CCND3: variants seen among roughly 807,000 people sequenced by gnomAD.
The protein encoded by CCND3 is G1/S-specific cyclin-D3.
In CCND3, 9 loss-of-function variants were observed where a neutral mutation model predicts 28.7. That is an observed-to-expected ratio of 0.31 (90% CI 0.19 to 0.55). The LOEUF is 0.55. CCND3 is among the 20% of genes least tolerant of loss of function. The probability of loss-of-function intolerance (pLI) is 0.93; values close to 1 mark genes in which losing one functional copy is unlikely to be tolerated. For synonymous variants in CCND3, 164 were observed against 163.9 expected, an observed-to-expected ratio of 1.00 and a Z score of 0.00; for missense variants, 315 against 385.8, an observed-to-expected ratio of 0.82 and a Z score of 1.54.
At chr6:41,978,003 C>T (rs746007427) in intron 1 of CCND3, among the ~76,000 whole-genome samples, 4 of 150,668 alleles carry the variant, frequency 2.7e-5, no homozygotes, top group Non-Finnish European at 4.4e-5. Flanking sequence ...TGCAGCAAGC[C>T]GAGATTATGC....
At chr6:42,008,305 G>A (rs1344873687) in intron 1 of CCND3, among the ~76,000 whole-genome samples, 1 of 152,166 alleles carries the variant, frequency 6.6e-6, no homozygotes, top group East Asian at 1.9e-4. Context: ...TTAAACCCAG[G>A]AGGCAGAGGT....
upstream of CCND3, among the ~76,000 whole-genome samples, chr6:41,945,515 C>CA (rs79628448): frequency 8.8e-5 from 13 of 148,254 alleles, no homozygotes; most frequent in Admixed American, 1.3e-4. Context: ...ACTCTGTCTC[C>CA]AAAAAAAAAA....
At chr6:42,027,632 G>C (rs903287020) in intron 1 of CCND3, among the ~76,000 whole-genome samples, 1 of 152,150 alleles carries the variant, frequency 6.6e-6, no homozygotes, top group Non-Finnish European at 1.5e-5. Flanking sequence ...GTGGTAAGGA[G>C]GGCAGAAAGT....
At chr6:41,994,636 G>A (rs1446315313) in intron 1 of CCND3, among the ~76,000 whole-genome samples, 1 of 152,128 alleles carries the variant, frequency 6.6e-6, no homozygotes, top group South Asian at 2.1e-4. Flanking sequence ...ATATATCAAC[G>A]TAGGTTCATC....
chr6:41,989,734 C>A (rs1187182487), intron 1 of CCND3, among the ~76,000 whole-genome samples: 2 of 152,096 alleles, frequency 1.3e-5, no homozygotes, highest in Non-Finnish European at 2.9e-5. Flanking sequence ...GGTGGGAATG[C>A]AAAATGGTAT....
At chr6:41,977,406 G>T (rs1016539216) in intron 1 of CCND3, among the ~76,000 whole-genome samples, 2 of 152,104 alleles carry the variant, frequency 1.3e-5, no homozygotes, top group African/African-American at 4.8e-5. Flanking sequence ...TGGCTCTGTT[G>T]CCCAGACTAG....
chr6:41,982,337 G>A (rs1041293245), intron 1 of CCND3, among the ~76,000 whole-genome samples: 2 of 150,830 alleles, frequency 1.3e-5, no homozygotes, highest in Non-Finnish European at 2.9e-5. Context: ...AATTTGAAAT[G>A]AAAAACGCAT....
At chr6:42,033,719 G>T (rs1162758341) in intron 1 of CCND3, among the ~76,000 whole-genome samples, 4 of 151,236 alleles carry the variant, frequency 2.6e-5, no homozygotes, top group Non-Finnish European at 5.9e-5. Context: ...GCATGGTGGT[G>T]CATACTGTAA....
chr6:41,935,624 GGGC>G lies in CCND3; in HGVS notation c.*313_*315del. Reference sequence around the variant, plus strand: ...CATGAGAGCCCCCAGGGGTGGGGGGGGGCGTTCAAAAGGAATGCTGGTGTATGT... The same window carrying G: ...CATGAGAGCCCCCAGGGGTGGGGGGGGTTCAAAAGGAATGCTGGTGTATGT... On this transcript the variant is annotated 3_prime_UTR_variant, in exon 5 of 5. Transcript: ENST00000372991. The G allele has an allele frequency of 2.1e-6, 1 of 470,034 alleles. No homozygotes were observed. The highest frequency in any genetic ancestry group is 3.8e-6 in the Non-Finnish European group (1 of 262,998). 29.1% of individuals were successfully genotyped at this position (470,034 alleles called of 1,614,324 possible).
intron 1 of CCND3, among the ~76,000 whole-genome samples, chr6:41,946,951 G>A (rs1402238142): frequency 1.3e-5 from 2 of 152,046 alleles, no homozygotes; most frequent in Non-Finnish European, 2.9e-5. Flanking sequence ...TGGGTGCAGT[G>A]GCTCACACCT....
intron 1 of CCND3, chr6:42,031,230 CTG>C (rs1024724226): frequency 6.6e-6 from 1 of 152,270 alleles, no homozygotes; most frequent in African/African-American, 2.4e-5. Context: ...CAGACCCACT[CTG>C]TGCCCATCCG....
intron 1 of CCND3, among the ~76,000 whole-genome samples, chr6:41,959,679 T>TCCGTCTCGAAAAAAAAAAAAAA (rs772818142): frequency 6.8e-6 from 1 of 147,120 alleles, no homozygotes; most frequent in South Asian, 2.2e-4. Flanking sequence ...ACAGCAAGAC[T>TCCGTCTCGAAAAAAAAAAAAAA]AAATCAGGCC....
chr6:42,001,661 G>A (rs1763015408), intron 1 of CCND3, among the ~76,000 whole-genome samples: 1 of 152,068 alleles, frequency 6.6e-6, no homozygotes, highest in African/African-American at 2.4e-5. Flanking sequence ...AGGATCACTT[G>A]AGCTCAGGAG....
chr6:41,937,041 C>G (rs1775824694), intron 3 of CCND3, 194 bp downstream of exon 3: 1 of 644,524 alleles, frequency 1.6e-6, no homozygotes, highest in African/African-American at 1.8e-5. Context: ...AGTGTCCCCA[C>G]TACAAACTGG....
intron 1 of CCND3, among the ~76,000 whole-genome samples, chr6:42,025,596 C>T (rs1430491814): frequency 6.6e-6 from 1 of 152,210 alleles, no homozygotes; most frequent in Non-Finnish European, 1.5e-5. Flanking sequence ...ACCTCCAATG[C>T]TCCACTGCCC....
intron 1 of CCND3, among the ~76,000 whole-genome samples, chr6:42,034,417 G>C (rs1764137169): frequency 6.7e-6 from 1 of 150,316 alleles, no homozygotes; most frequent in Non-Finnish European, 1.5e-5. Context: ...CAAAGTGCTG[G>C]GATTATGGGA....
chr6:42,015,764 T>C (rs1763486987), intron 1 of CCND3, among the ~76,000 whole-genome samples: 1 of 151,924 alleles, frequency 6.6e-6, no homozygotes, highest in Non-Finnish European at 1.5e-5. Context: ...AAATTGTACA[T>C]ATTTATTGTG....
intron 1 of CCND3, among the ~76,000 whole-genome samples, chr6:42,027,295 G>C (rs1318523383): frequency 1.1e-4 from 17 of 152,118 alleles, no homozygotes; most frequent in Admixed American, 2.0e-4. Context: ...AAAAAATTAG[G>C]CAGGCTTGGT....
chr6:41,996,492 C>G (rs1474076191), intron 1 of CCND3, among the ~76,000 whole-genome samples: 5 of 151,908 alleles, frequency 3.3e-5, no homozygotes, highest in Non-Finnish European at 5.9e-5. Context: ...ATATGTGGGT[C>G]TAAGGCCACC....
Sources: gnomAD v4.1 joint callset for allele counts (sites outside exome capture counted in the v4.1 genomes callset) on GRCh38, gnomAD v4.1.1 for gene constraint, MANE v1.5 for transcripts, NCBI Gene and HGNC (gene_info 2026-07-23, HGNC 2026-07-21) for gene names.